NARS2: variants seen among roughly 807,000 people sequenced by gnomAD.
NARS2 encodes asparaginyl-tRNA synthetase.
Under a neutral mutation model 62.9 loss-of-function variants are expected in NARS2, and 60 were observed. The ratio of observed to expected loss-of-function variants is 0.95; its 90% CI spans 0.77 to 1.18. The LOEUF is 1.18. Ranked by LOEUF, NARS2 falls within the 50% of genes most tolerant of loss-of-function variation. The probability of loss-of-function intolerance (pLI) is 0.00; values close to 1 mark genes in which losing one functional copy is unlikely to be tolerated. For missense variants in NARS2, 619 were observed against 576.4 expected (o/e 1.07, Z -0.76); for synonymous variants, 196 against 200.0 (o/e 0.98, Z 0.17).
intron 2 of NARS2, among the ~76,000 whole-genome samples, chr11:78,570,481 G>C (rs529858000): frequency 4.6e-5 from 7 of 152,286 alleles, no homozygotes; most frequent in African/African-American, 1.7e-4. Context: ...TTGACCTCCA[G>C]GGCTCAAGAG....
intron 5 of NARS2, among the ~76,000 whole-genome samples, chr11:78,535,693 G>T (rs1013927922): frequency 6.6e-6 from 1 of 151,006 alleles, no homozygotes; most frequent in Non-Finnish European, 1.5e-5. Context: ...GCAATGGCAC[G>T]ATCTCAGCTC....
At chr11:78,555,190 T>A (rs1051565217) in intron 5 of NARS2, 1 of 152,176 alleles carries the variant, frequency 6.6e-6, no homozygotes, top group African/African-American at 2.4e-5. Flanking sequence ...CTTGATATTT[T>A]CTTTTTTTGT....
intron 11 of NARS2, among the ~76,000 whole-genome samples, chr11:78,459,595 C>T (rs911366386): frequency 4.6e-5 from 7 of 152,124 alleles, no homozygotes; most frequent in Non-Finnish European, 1.0e-4. Flanking sequence ...TGAGGTGTTT[C>T]CGCTTTCACT....
rs753076385 is a variant in NARS2, at chr11:78,502,448, T to C, written c.690-9253A>G. ...ATACTGGATTATGGTTCTACCCTTA[T>C]GTCCTCATATAACTTTACTTTTTAA... On this transcript the variant is annotated intron_variant, in intron 6 of 13. Transcript: ENST00000281038. 7.8e-4 allele frequency among the ~76,000 whole-genome samples: 119 copies of C among 152,354 alleles called. 1 individual carries two copies. Among genetic ancestry groups the C allele is most frequent in the Admixed American group, 7.2e-4 (11 of 15,308 alleles).
intron 6 of NARS2, among the ~76,000 whole-genome samples, chr11:78,506,265 T>C (rs757107597): frequency 3.3e-5 from 5 of 152,194 alleles, no homozygotes; most frequent in Non-Finnish European, 7.3e-5. Context: ...AATAATACAA[T>C]TACTTCAGCA....
intron 6 of NARS2, among the ~76,000 whole-genome samples, chr11:78,518,102 G>A (rs1315920024): frequency 6.6e-5 from 10 of 151,538 alleles, no homozygotes; most frequent in Middle Eastern, 3.4e-3. Context: ...AAAATATTTG[G>A]AAAAAACAAA....
intron 5 of NARS2, chr11:78,555,140 T>C (rs1201545968): frequency 6.6e-6 from 1 of 152,230 alleles, no homozygotes; most frequent in Non-Finnish European, 1.5e-5. Context: ...GCAAGTATTT[T>C]GTTGAGGATT....
intron 7 of NARS2, among the ~76,000 whole-genome samples, chr11:78,492,492 T>C (rs1330048728): frequency 1.3e-5 from 2 of 152,162 alleles, no homozygotes; most frequent in Non-Finnish European, 2.9e-5. Context: ...AACTCCTTAC[T>C]ATGGCACTGA....
At chr11:78,475,580 C>CTTTTTTT (rs377023107) in intron 9 of NARS2, among the ~76,000 whole-genome samples, 17 of 93,986 alleles carry the variant, frequency 1.8e-4, no homozygotes, top group Non-Finnish European at 3.1e-4. Flanking sequence ...TATCATTTGA[C>CTTTTTTT]TTTTTTTTTT....
chr11:78,559,100 C>T (rs1320912301), intron 5 of NARS2, among the ~76,000 whole-genome samples: 2 of 151,930 alleles, frequency 1.3e-5, no homozygotes, highest in Admixed American at 6.6e-5. Flanking sequence ...GTCAAGAGAT[C>T]GAAACCATCC....
chr11:78,469,859 A>G (rs1466602022), intron 9 of NARS2, among the ~76,000 whole-genome samples: 1 of 152,206 alleles, frequency 6.6e-6, no homozygotes, highest in Non-Finnish European at 1.5e-5. Flanking sequence ...AAAGTGGAAT[A>G]AGAAGGCAGA....
intron 6 of NARS2, among the ~76,000 whole-genome samples, chr11:78,527,354 C>T (rs1861329840): frequency 6.6e-6 from 1 of 151,932 alleles, no homozygotes; most frequent in Non-Finnish European, 1.5e-5. Flanking sequence ...ATTATAATTC[C>T]GTAGGCATAA....
chr11:78,441,265 A>T, intron 12 of NARS2, 148 bp from the exon 13 acceptor site: 3 of 628,598 alleles, frequency 4.8e-6, no homozygotes, highest in Non-Finnish European at 8.1e-6. Context: ...AATATAGTTG[A>T]GGAGCTGAAA....
At chr11:78,488,064 T>C (rs1313616523) in intron 7 of NARS2, among the ~76,000 whole-genome samples, 2 of 152,178 alleles carry the variant, frequency 1.3e-5, no homozygotes, top group Non-Finnish European at 2.9e-5. Flanking sequence ...CAGATGTTTT[T>C]TTCTCTTCTG....
intron 6 of NARS2, among the ~76,000 whole-genome samples, chr11:78,526,658 A>G (rs1353198125): frequency 6.6e-6 from 1 of 152,140 alleles, no homozygotes; most frequent in Non-Finnish European, 1.5e-5. Flanking sequence ...TACCAATTTA[A>G]TCTTCCGTCA....
intron 9 of NARS2, among the ~76,000 whole-genome samples, chr11:78,470,457 A>G (rs1858821194): frequency 6.6e-6 from 1 of 152,090 alleles, no homozygotes; most frequent in South Asian, 2.1e-4. Flanking sequence ...GATAATGTAA[A>G]TAATACACAA....
intron 6 of NARS2, among the ~76,000 whole-genome samples, chr11:78,522,251 C>T (rs1590811354): frequency 6.6e-6 from 1 of 151,946 alleles, no homozygotes; most frequent in East Asian, 1.9e-4. Flanking sequence ...AGCCACTGTG[C>T]CTGGTTGACA....
Position 78,478,740 on chromosome 11 carries a change from G to T in NARS2, c.823-57C>A, listed in dbSNP as rs554820929. On this transcript the variant is annotated intron_variant, in intron 7 of 13. Transcript: ENST00000281038. ...GTAAGCAATTTTACATGAAAAACCTGTTCAGGACTCAATAAGGACCGCATT... is the reference window on the plus strand; with the variant it reads ...GTAAGCAATTTTACATGAAAAACCTTTTCAGGACTCAATAAGGACCGCATT... 9 of 1,079,516 alleles carry T rather than the reference G, an allele frequency of 8.3e-6. No individual in the cohort carries two copies. In the Admixed American group the frequency reaches 8.6e-5, roughly 10 times the overall value. The allele number at this position is 1,079,516 out of a possible 1,614,324, so 66.9% of individuals were successfully genotyped here.
rs114810004 is a variant in NARS2 at position 78,570,869 on chromosome 11, C to T, written c.251+466G>A. ...TTCAAATAGGAATACAGTTGATTAC[C>T]ATTCAATGTGATACATTTTAAGACA... On this transcript the variant is annotated intron_variant, in intron 2 of 13. Transcript: ENST00000281038. 8.7e-3 allele frequency among the ~76,000 whole-genome samples: 1,319 copies of T among 152,238 alleles called. 18 individuals carry two copies. The highest frequency in any genetic ancestry group is 0.03 in the African/African-American group (1,248 of 41,544).
Sources: gnomAD v4.1 joint callset for allele counts (sites outside exome capture counted in the v4.1 genomes callset) on GRCh38, gnomAD v4.1.1 for gene constraint, MANE v1.5 for transcripts, NCBI Gene and HGNC (gene_info 2026-07-23, HGNC 2026-07-21) for gene names.